The following TUBGCP5 variants were observed in gnomAD, a reference collection of about 807,000 sequenced individuals.
The protein encoded by TUBGCP5 is gamma-tubulin complex component 5.
In TUBGCP5, 98 loss-of-function variants were observed where a neutral mutation model predicts 134.7. That is an observed-to-expected ratio of 0.73 (90% CI 0.62 to 0.86). The LOEUF is 0.86. Among genes scored for constraint, TUBGCP5 ranks in the 40% least tolerant of loss-of-function variants. TUBGCP5 has a pLI of 0.00. For missense variants in TUBGCP5, 1,150 were observed against 1,244.8 expected (o/e 0.92, Z 1.15); for synonymous variants, 456 against 431.4 (o/e 1.06, Z -0.71).
At chr15:23,021,515 A>C (rs151240340) in intron 11 of TUBGCP5, among the ~76,000 whole-genome samples, 1 of 152,080 alleles carries the variant, frequency 6.6e-6, no homozygotes, top group Non-Finnish European at 1.5e-5. Context: ...TTTTAAGTAC[A>C]TTCATATCGT....
intron 13 of TUBGCP5, 134 bp downstream of exon 13, chr15:23,017,639 T>A: frequency 1.2e-6 from 1 of 858,470 alleles, no homozygotes; most frequent in Non-Finnish European, 1.7e-6. Context: ...AATTCAACCA[T>A]GACGATAATT....
intron 3 of TUBGCP5, among the ~76,000 whole-genome samples, chr15:23,034,959 A>G: frequency 6.6e-6 from 1 of 152,194 alleles, no homozygotes; most frequent in Non-Finnish European, 1.5e-5. Flanking sequence ...CCACAAAAAA[A>G]AAGAGAGTAT....
intron 5 of TUBGCP5, among the ~76,000 whole-genome samples, chr15:23,031,231 A>C (rs2066292079): frequency 6.6e-6 from 1 of 152,176 alleles, no homozygotes; most frequent in South Asian, 2.1e-4. Flanking sequence ...ATAATGTTGA[A>C]ATAATAAGGA....
At chr15:22,998,187 C>T (rs1229409273), downstream of TUBGCP5, among the ~76,000 whole-genome samples, 3 of 151,868 alleles carry the variant, frequency 2.0e-5, no homozygotes, top group African/African-American at 4.8e-5. Context: ...TGGTGGTGCA[C>T]GCCTGAGATC....
At position 23,026,015 on chromosome 15, in the gene TUBGCP5, G is replaced by C. The variant is rs2065961988; in HGVS notation, c.827+101C>G. On this transcript the variant is annotated intron_variant, in intron 8 of 22. Transcript: ENST00000615383. ...CTTCACACCTAATGGACCTTTTCTA[G>C]TTTGCATGTGAAAATGCTTGAAAAG... The C allele has an allele frequency of 4.6e-6, 4 of 875,224 alleles. No individual in the cohort carries two copies. The African/African-American group carries it at 5.2e-5, about 11-fold the overall frequency. The allele number at this position is 875,224 out of a possible 1,614,324, so 54.2% of individuals were successfully genotyped here. A position where few individuals can be genotyped will look rare whatever the true frequency, so the allele number is the denominator to read the frequency against.
intron 16 of TUBGCP5, among the ~76,000 whole-genome samples, chr15:23,006,701 G>A (rs74948069): frequency 1.3e-5 from 2 of 152,088 alleles, no homozygotes; most frequent in East Asian, 1.9e-4. Flanking sequence ...AGGAGAGGAC[G>A]AGCAGAGCAG....
At chr15:23,039,277 G>A (rs1387443572) in intron 1 of TUBGCP5, 121 bp downstream of exon 1, 9 of 1,146,210 alleles carry the variant, frequency 7.9e-6, no homozygotes, top group Non-Finnish European at 7.7e-6. Context: ...AAGGCTCCCT[G>A]AGGCCGCGCC....
chr15:22,999,892 A>C, intron 22 of TUBGCP5, 26 bp from the exon 23 acceptor site: 1 of 1,612,040 alleles, frequency 6.2e-7, no homozygotes, highest in Non-Finnish European at 8.5e-7. Context: ...AAATAAGGTT[A>C]AAACAATAGG....
At chr15:23,001,661 T>C (rs1248912903) in intron 21 of TUBGCP5, among the ~76,000 whole-genome samples, 1 of 151,524 alleles carries the variant, frequency 6.6e-6, no homozygotes, top group East Asian at 1.9e-4. Flanking sequence ...TTCTTTTTTT[T>C]TTTTTTAAAG....
chr15:23,018,319 A>G (rs1468483342), intron 12 of TUBGCP5, among the ~76,000 whole-genome samples: 4 of 152,200 alleles, frequency 2.6e-5, no homozygotes, highest in African/African-American at 9.6e-5. Context: ...AAGAAGAATA[A>G]AAGTTTATCC....
intron 11 of TUBGCP5, among the ~76,000 whole-genome samples, chr15:23,019,935 G>A (rs1438962072): frequency 2.0e-5 from 3 of 151,968 alleles, no homozygotes; most frequent in Non-Finnish European, 2.9e-5. Context: ...CCAGGCAAGC[G>A]AACAAGGTTT....
At chr15:23,008,629 T>C in intron 16 of TUBGCP5, 70 bp downstream of exon 16, 1 of 1,467,294 alleles carries the variant, frequency 6.8e-7, no homozygotes, top group South Asian at 1.2e-5. Context: ...ATATGTGTAA[T>C]TCATAGAAGA....
At chr15:22,987,865 C>T (rs2063725281) in intron 23 of TUBGCP5, among the ~76,000 whole-genome samples, 1 of 130,704 alleles carries the variant, frequency 7.7e-6, no homozygotes, top group African/African-American at 3.0e-5. Context: ...CACCACACTC[C>T]AGCCTGGGTG....
chr15:23,028,379 T>TAAAAAAAAAAAA (rs762310901), intron 6 of TUBGCP5, among the ~76,000 whole-genome samples: 1 of 91,070 alleles, frequency 1.1e-5, no homozygotes. Flanking sequence ...GGCCCGGTCT[T>TAAAAAAAAAAAA]AAAAAAAAAA....
At chr15:23,021,865 C>A in intron 11 of TUBGCP5, 94 bp downstream of exon 11, 1 of 1,310,260 alleles carries the variant, frequency 7.6e-7, no homozygotes, top group Admixed American at 1.8e-5. Context: ...GACGAGTCAT[C>A]ATTCAAGTAT....
chr15:22,985,307 C>T (rs1051437910), intron 23 of TUBGCP5, among the ~76,000 whole-genome samples: 20 of 152,148 alleles, frequency 1.3e-4, no homozygotes, highest in African/African-American at 4.8e-4. Flanking sequence ...CAACCTCCAC[C>T]TCCCGAGTTA....
chr15:23,024,634 A>C (rs2065889745), intron 9 of TUBGCP5, 103 bp downstream of exon 9: 1 of 647,502 alleles, frequency 1.5e-6, no homozygotes, highest in Middle Eastern at 4.5e-4. Context: ...AGGAAGCAAG[A>C]ACGAGTTCAA....
intron 5 of TUBGCP5, 64 bp downstream of exon 5, chr15:23,031,886 T>A (rs1364073303): frequency 4.5e-6 from 6 of 1,340,208 alleles, no homozygotes; most frequent in Non-Finnish European, 4.2e-6. Flanking sequence ...GAAAGACCCA[T>A]GAAAATCATC....
At chr15:23,023,397 G>C in intron 10 of TUBGCP5, 1 of 152,640 alleles carries the variant, frequency 6.6e-6, no homozygotes, top group Non-Finnish European at 1.5e-5. Context: ...TAACGGATAT[G>C]TAGAAGTGAT....
Sources: allele counts gnomAD v4.1 joint callset (sites outside exome capture counted in the v4.1 genomes callset), GRCh38; gene constraint gnomAD v4.1.1; transcripts MANE v1.5; gene names NCBI Gene and HGNC (gene_info 2026-07-23, HGNC 2026-07-21).